RPTOR: variants seen among roughly 807,000 people sequenced by gnomAD.
The protein encoded by RPTOR is regulatory associated protein of MTOR complex 1.
In RPTOR, 21 loss-of-function variants were observed where a neutral mutation model predicts 169.9. That is an observed-to-expected ratio of 0.12 (90% CI 0.09 to 0.18). The LOEUF (loss-of-function observed/expected upper bound fraction) is 0.18, where lower values mean the gene tolerates loss of function less well. Among genes scored for constraint, RPTOR ranks in the 10% least tolerant of loss-of-function variants. The pLI, the probability that RPTOR is intolerant of heterozygous loss-of-function variation, is 1.00. For missense variants in RPTOR, 1,133 were observed against 1,855.9 expected, an observed-to-expected ratio of 0.61 and a Z score of 7.16; for synonymous variants, 732 against 753.2, an observed-to-expected ratio of 0.97 and a Z score of 0.46.
intron 1 of RPTOR, among the ~76,000 whole-genome samples, chr17:80,581,062 A>G (rs2065009362): frequency 6.6e-6 from 1 of 151,962 alleles, no homozygotes; most frequent in Non-Finnish European, 1.5e-5. Flanking sequence ...CCTATTCATC[A>G]TTTTCGTCAG....
intron 4 of RPTOR, among the ~76,000 whole-genome samples, chr17:80,725,120 G>A (rs2066320457): frequency 6.6e-6 from 1 of 152,230 alleles, no homozygotes; most frequent in African/African-American, 2.4e-5. Context: ...TCCCTGAGAT[G>A]TAGAATTGTG....
intron 21 of RPTOR, among the ~76,000 whole-genome samples, chr17:80,911,559 C>G (rs548336080): frequency 6.6e-6 from 1 of 152,108 alleles, no homozygotes; most frequent in Non-Finnish European, 1.5e-5. Flanking sequence ...AGGCGAGAGA[C>G]GATCACTTGA....
intron 5 of RPTOR, among the ~76,000 whole-genome samples, chr17:80,753,632 C>CA (rs35693819): frequency 0.32 from 29,953 of 94,876 alleles, 5,405 homozygotes; most frequent in East Asian, 0.52. Flanking sequence ...AACTCCGTCT[C>CA]AAAAAAAAAA....
At chr17:80,614,271 C>T (rs1481470790) in intron 1 of RPTOR, among the ~76,000 whole-genome samples, 1 of 152,198 alleles carries the variant, frequency 6.6e-6, no homozygotes, top group Admixed American at 6.5e-5. Context: ...AGAAGGGGGC[C>T]TGTCCTCAGT....
In RPTOR at chr17:80,964,281, G is replaced by A; in HGVS notation, c.3959G>A (p.Ser1320Asn). Reference sequence around the variant, plus strand: ...TTGCAGCCTCACCTGGCCGTGGGAAGCAACGACTACTACATCTCCGTGTAC... The same window carrying A: ...TTGCAGCCTCACCTGGCCGTGGGAAACAACGACTACTACATCTCCGTGTAC... ...HPHWPHLAVGSNDYYISVYSV... is the reference protein window; with the variant it reads ...HPHWPHLAVGNNDYYISVYSV... The change falls in exon 34 of 34, where the codon AGC becomes AAC. Residue 1320 changes from serine to asparagine, a missense_variant. Physicochemically the swap from Ser to Asn is conservative, Grantham distance 46. Coordinates refer to ENST00000306801, the MANE Select transcript of RPTOR (RefSeq NM_020761.3). The A allele has an allele frequency of 6.2e-7, 1 of 1,608,026 alleles. No homozygotes were observed. Among genetic ancestry groups the A allele is most frequent in the Non-Finnish European group, 8.5e-7 (1 of 1,179,736 alleles).
At chr17:80,556,226 A>G (rs905602378) in intron 1 of RPTOR, among the ~76,000 whole-genome samples, 6 of 152,106 alleles carry the variant, frequency 3.9e-5, no homozygotes, top group Non-Finnish European at 8.8e-5. Flanking sequence ...AGATCTTTCT[A>G]AACACAAATT....
intron 11 of RPTOR, among the ~76,000 whole-genome samples, chr17:80,853,706 C>T (rs1448194753): frequency 5.9e-5 from 9 of 152,312 alleles, no homozygotes; most frequent in East Asian, 5.8e-4. Flanking sequence ...TGGCCGGGCA[C>T]GGTGGCTCAC....
intron 6 of RPTOR, among the ~76,000 whole-genome samples, chr17:80,778,156 A>G (rs966744645): frequency 3.3e-5 from 5 of 152,206 alleles, no homozygotes; most frequent in African/African-American, 1.2e-4. Context: ...TTAAAATCAC[A>G]CCGAGTCACT....
intron 3 of RPTOR, among the ~76,000 whole-genome samples, chr17:80,649,952 CA>C (rs1259493068): frequency 7.9e-5 from 12 of 152,230 alleles, no homozygotes; most frequent in African/African-American, 2.9e-4. Flanking sequence ...TTCCTGGAAG[CA>C]AGCTTAGATT....
chr17:80,858,005 T>G (rs2067873726), intron 13 of RPTOR, 105 bp downstream of exon 13: 1 of 877,896 alleles, frequency 1.1e-6, no homozygotes, highest in Non-Finnish European at 1.8e-6. Context: ...CCTCGCTCCC[T>G]CTCCAGGCAC....
intron 24 of RPTOR, among the ~76,000 whole-genome samples, chr17:80,933,144 G>A (rs2068918057): frequency 2.0e-5 from 3 of 152,278 alleles, no homozygotes; most frequent in East Asian, 1.9e-4. Context: ...GAAGTTAGGC[G>A]AGCAAAAGAA....
chr17:80,787,483 A>G (rs2067005140), intron 6 of RPTOR, among the ~76,000 whole-genome samples: 2 of 152,208 alleles, frequency 1.3e-5, no homozygotes, highest in African/African-American at 4.8e-5. Flanking sequence ...GATACTTTGA[A>G]CATTCTTTTC....
chr17:80,639,617 C>T (rs1270068589), intron 2 of RPTOR, among the ~76,000 whole-genome samples: 5 of 152,200 alleles, frequency 3.3e-5, no homozygotes, highest in East Asian at 1.9e-4. Context: ...GGTCAGCCTG[C>T]GCTCATCTTC....
intron 13 of RPTOR, among the ~76,000 whole-genome samples, chr17:80,866,372 TC>T (rs1310626461): frequency 6.6e-6 from 1 of 152,086 alleles, no homozygotes; most frequent in African/African-American, 2.4e-5. Flanking sequence ...CAACCGGAGA[TC>T]CCGGCTTCCA....
chr17:80,898,507 A>C (rs1042335573), intron 20 of RPTOR, among the ~76,000 whole-genome samples: 6 of 151,726 alleles, frequency 4.0e-5, no homozygotes, highest in African/African-American at 1.2e-4. Flanking sequence ...TTTCCTTTCT[A>C]CTGTTTTCTC....
rs570288080 is a variant in RPTOR, at chr17:80,746,673, T to C, written c.655-7337T>C. On this transcript the variant is annotated intron_variant, in intron 5 of 33. Coordinates refer to ENST00000306801, the MANE Select transcript of RPTOR (RefSeq NM_020761.3). The surrounding 1 kb of genome is among the most constrained non-coding windows in gnomAD (Gnocchi z 4.5). ...GGAAAACCATGGCTCTGGGCTGGAA[T>C]TGGTCACTTTTAGGCCTGGGCACTG... is the stretch of plus-strand genomic sequence containing the variant. Among the ~76,000 whole-genome samples the C allele has an allele frequency of 2.0e-5, 3 of 152,198 alleles. No individual in the cohort carries two copies. Among genetic ancestry groups the C allele is most frequent in the Non-Finnish European group, 2.9e-5 (2 of 68,008 alleles).
intron 2 of RPTOR, among the ~76,000 whole-genome samples, chr17:80,634,935 G>A (rs547912045): frequency 6.6e-6 from 1 of 152,320 alleles, no homozygotes; most frequent in East Asian, 1.9e-4. Flanking sequence ...CATACCGCGT[G>A]TGCATACTAT....
intron 2 of RPTOR, among the ~76,000 whole-genome samples, chr17:80,636,720 C>T (rs111658096): frequency 1.4e-3 from 206 of 152,190 alleles, no homozygotes; most frequent in African/African-American, 4.3e-3. Context: ...CCCACACCCC[C>T]GCAACACGCC....
At chr17:80,797,871 A>G (rs1838378330) in intron 7 of RPTOR, among the ~76,000 whole-genome samples, 1 of 152,202 alleles carries the variant, frequency 6.6e-6, no homozygotes, top group Non-Finnish European at 1.5e-5. Context: ...AACATATGTT[A>G]ACTCCCGTAA....
Sources: allele counts gnomAD v4.1 joint callset (sites outside exome capture counted in the v4.1 genomes callset), GRCh38; gene constraint gnomAD v4.1.1; non-coding constraint Gnocchi (gnomAD v3.1); transcripts MANE v1.5; gene names NCBI Gene and HGNC (gene_info 2026-07-23, HGNC 2026-07-21).